Variants in TTC7A observed in about 807,000 individuals in gnomAD.
The protein encoded by TTC7A is tetratricopeptide repeat protein 7A.
A neutral mutation model predicts 103.7 loss-of-function variants in TTC7A; 110 were observed. The ratio of observed to expected loss-of-function variants is 1.06; its 90% confidence interval spans 0.91 to 1.24. The LOEUF is 1.24. Among genes scored for constraint, TTC7A ranks in the 50% most tolerant of loss-of-function variants. The probability of loss-of-function intolerance (pLI) is 0.00; values close to 1 mark genes in which losing one functional copy is unlikely to be tolerated. For synonymous variants in TTC7A, 521 were observed against 467.9 expected (o/e 1.11, Z -1.47); for missense variants, 1,340 against 1,116.3 (o/e 1.20, Z -2.86).
chr2:46,934,840 C>T (rs1459989012), intron 2 of TTC7A, among the ~76,000 whole-genome samples: 1 of 122,162 alleles, frequency 8.2e-6, no homozygotes, highest in Non-Finnish European at 1.6e-5. Flanking sequence ...CTCGCTCTGT[C>T]GCCAGGCTGG....
chr2:46,940,173 T>TC (rs994366684), upstream of TTC7A, among the ~76,000 whole-genome samples: 8 of 151,906 alleles, frequency 5.3e-5, no homozygotes, highest in African/African-American at 1.9e-4. The surrounding 1 kb of genome is among the most constrained non-coding windows in gnomAD (Gnocchi z 4.7). Flanking sequence ...AAACCTTCCC[T>TC]CGGTTACAGT....
intron 18 of TTC7A, among the ~76,000 whole-genome samples, chr2:47,059,403 C>G (rs185656904): frequency 6.6e-6 from 1 of 152,220 alleles, no homozygotes; most frequent in Admixed American, 6.5e-5. Flanking sequence ...GTTTCCCAAA[C>G]CTGGTGGGGC....
At chr2:47,012,163 T>C (rs1678140748) in intron 11 of TTC7A, among the ~76,000 whole-genome samples, 1 of 152,226 alleles carries the variant, frequency 6.6e-6, no homozygotes, top group African/African-American at 2.4e-5. Flanking sequence ...GCTCCAGGCC[T>C]ATGGGGGCTC....
intron 2 of TTC7A, among the ~76,000 whole-genome samples, chr2:46,929,316 G>C (rs7577816): frequency 0.069 from 10,475 of 152,090 alleles, 491 homozygotes; most frequent in African/African-American, 0.13. Flanking sequence ...CAGACCCCAT[G>C]TCTATAGGAA....
At chr2:46,917,081 T>A in intron 1 of TTC7A, 1 of 675,712 alleles carries the variant, frequency 1.5e-6, no homozygotes, top group South Asian at 1.6e-5. Flanking sequence ...CCACTGCCAT[T>A]GACGGTCTCA....
chr2:47,068,987 C>G (rs923499669), intron 19 of TTC7A, among the ~76,000 whole-genome samples: 1 of 151,986 alleles, frequency 6.6e-6, no homozygotes, highest in Non-Finnish European at 1.5e-5. Context: ...TTTGGCTGTA[C>G]CTCCTGCCCA....
rs1341483787 is a variant in TTC7A, at chr2:47,075,507, C to CTGACAGTGACT, written c.*1586_*1596dup. 1 of 152,154 alleles carries CTGACAGTGACT rather than the reference C, an allele frequency of 6.6e-6. No homozygotes were observed. Among genetic ancestry groups the CTGACAGTGACT allele is most frequent in the East Asian group, 1.9e-4 (1 of 5,190 alleles). 9.4% of individuals were successfully genotyped at this position (152,154 alleles called of 1,614,324 possible). A position where few individuals can be genotyped will look rare whatever the true frequency, so the allele number is the denominator to read the frequency against. On this transcript the variant is annotated 3_prime_UTR_variant, in exon 20 of 20. Coordinates refer to ENST00000319190, the MANE Select transcript of TTC7A (RefSeq NM_020458.4). ...AGCAGCAGAGGGCCAGGCCAAGTTG[C>CTGACAGTGACT]TGACAGTGACTTTGCAGGTTGAATA...
At chr2:47,008,865 G>A (rs1160555657) in intron 10 of TTC7A, among the ~76,000 whole-genome samples, 1 of 151,552 alleles carries the variant, frequency 6.6e-6, no homozygotes, top group African/African-American at 2.4e-5. Context: ...TCTCTGTGCG[G>A]CAATTGCATT....
At chr2:46,958,637 C>G in intron 3 of TTC7A, 1 of 918,528 alleles carries the variant, frequency 1.1e-6, no homozygotes, top group Non-Finnish European at 1.5e-6. Flanking sequence ...CATGGCCTCC[C>G]CTTTGCCTGC....
At chr2:47,026,713 G>A (rs758266242) in intron 14 of TTC7A, among the ~76,000 whole-genome samples, 4 of 152,176 alleles carry the variant, frequency 2.6e-5, no homozygotes, top group South Asian at 2.1e-4. Context: ...AGAGGGAAAC[G>A]CACACTTTAA....
chr2:46,997,636 G>A (rs1008441974), intron 8 of TTC7A, among the ~76,000 whole-genome samples: 5 of 152,118 alleles, frequency 3.3e-5, no homozygotes, highest in African/African-American at 7.2e-5. Context: ...GCCCCAGGAC[G>A]CAGGGCTCCT....
intron 15 of TTC7A, among the ~76,000 whole-genome samples, chr2:47,044,800 T>C (rs879646959): frequency 6.6e-6 from 1 of 152,158 alleles, no homozygotes; most frequent in Non-Finnish European, 1.5e-5. Context: ...CCCTCTTCAT[T>C]CTCTACCAAG....
At chr2:47,062,763 A>AG (rs1683891044) in intron 19 of TTC7A, among the ~76,000 whole-genome samples, 1 of 152,264 alleles carries the variant, frequency 6.6e-6, no homozygotes, top group Non-Finnish European at 1.5e-5. Context: ...AAATTGAAGC[A>AG]GTTTCCAAGG....
At chr2:47,050,392 TAGAA>T in intron 17 of TTC7A, 1 of 255,790 alleles carries the variant, frequency 3.9e-6, no homozygotes, top group Non-Finnish European at 7.7e-6. Context: ...TCAAGTCAAA[TAGAA>T]AGGAATGGAC....
intron 15 of TTC7A, among the ~76,000 whole-genome samples, chr2:47,033,566 A>C (rs897436890): frequency 6.6e-6 from 1 of 152,188 alleles, no homozygotes; most frequent in African/African-American, 2.4e-5. Context: ...AGCCACAGTG[A>C]GGTCCCAGCC....
At chr2:47,046,925 AGAG>A (rs1682385299) in intron 16 of TTC7A, 6 of 267,578 alleles carry the variant, frequency 2.2e-5, no homozygotes, top group East Asian at 8.5e-5. Context: ...GGAGGCTAGA[AGAG>A]GAGGAGGAGG....
chr2:47,042,093 A>T (rs937614752), intron 15 of TTC7A, among the ~76,000 whole-genome samples: 4 of 152,072 alleles, frequency 2.6e-5, no homozygotes, highest in African/African-American at 9.7e-5. Context: ...CAGAGAGGAG[A>T]TGATGAATAA....
At chr2:46,980,898 AC>A in intron 5 of TTC7A, among the ~76,000 whole-genome samples, 1 of 152,176 alleles carries the variant, frequency 6.6e-6, no homozygotes, top group Non-Finnish European at 1.5e-5. Flanking sequence ...GTGCAGTACC[AC>A]GTAAAATGGT....
At chr2:47,069,528 T>C (rs1174853055) in intron 19 of TTC7A, among the ~76,000 whole-genome samples, 2 of 152,012 alleles carry the variant, frequency 1.3e-5, no homozygotes, top group Non-Finnish European at 2.9e-5. Context: ...ACCCCAGCAC[T>C]GGGTGGGGCT....
Sources: allele counts gnomAD v4.1 joint callset (sites outside exome capture counted in the v4.1 genomes callset), GRCh38; gene constraint gnomAD v4.1.1; non-coding constraint Gnocchi (gnomAD v3.1); transcripts MANE v1.5; gene names NCBI Gene and HGNC (gene_info 2026-07-23, HGNC 2026-07-21).